Variants in BDP1 observed in about 807,000 individuals in gnomAD.
BDP1 encodes the protein transcription factor TFIIIB component B'' homolog.
In BDP1, 169 loss-of-function variants were observed where a neutral mutation model predicts 266.6. The observed-to-expected ratio is 0.63, with a 90% confidence interval of 0.56 to 0.72. The LOEUF is 0.72. Ranked by LOEUF, BDP1 falls within the 30% of genes least tolerant of loss-of-function variation. The pLI is 0.00. For synonymous variants in BDP1, 1,090 were observed against 1,022.4 expected (o/e 1.07, Z -1.26); for missense variants, 3,015 against 3,053.8 (o/e 0.99, Z 0.30).
At position 71,534,586 on chromosome 5, in the gene BDP1, G is replaced by A. The variant is rs551902475; in HGVS notation, c.5892+2159G>A. On this transcript the variant is annotated intron_variant, in intron 26 of 38. Transcript: ENST00000358731. ...ATGATCTCAGCTCACTGCAAGCTCC[G>A]CCTCCTGGGTTCACACCATTCTCCT... Among the ~76,000 whole-genome samples, 170 of 152,038 alleles carry A rather than the reference G, an allele frequency of 1.1e-3. 2 individuals are homozygous for A. The highest frequency in any genetic ancestry group is 3.4e-3 in the African/African-American group (143 of 41,466).
In BDP1 at chr5:71,501,673, T is replaced by TTA; in HGVS notation, c.2048+20_2048+21insTA. The TTA allele has an allele frequency of 7.3e-6, 4 of 544,678 alleles. No individual in the cohort carries two copies. The highest frequency in any genetic ancestry group is 5.3e-4 in the Middle Eastern group (1 of 1,882). 33.7% of individuals were successfully genotyped at this position (544,678 alleles called of 1,614,324 possible). A position where few individuals can be genotyped will look rare whatever the true frequency, so the allele number is the denominator to read the frequency against. On this transcript the variant is annotated intron_variant, in intron 14 of 38. Transcript: ENST00000358731. The stretch of plus-strand genomic sequence containing the variant: ...ATCTGTGTGAGTATTCAGGAAGTAG[T>TTA]AAAAAAAAAAAAAAAAAAAAGTAAC...
At chr5:71,474,939 T>G (rs1762496228) in intron 7 of BDP1, among the ~76,000 whole-genome samples, 1 of 151,904 alleles carries the variant, frequency 6.6e-6, no homozygotes, top group African/African-American at 2.4e-5. Context: ...CAGTATAAAA[T>G]TTTAAGAATT....
chr5:71,485,319 T>G (rs775830404), intron 8 of BDP1, among the ~76,000 whole-genome samples: 4 of 152,080 alleles, frequency 2.6e-5, no homozygotes, highest in Non-Finnish European at 5.9e-5. Context: ...GGAGGCTTTC[T>G]ATTGGAAATT....
chr5:71,532,789 CAT>C (rs1383197892), intron 26 of BDP1, among the ~76,000 whole-genome samples: 5 of 152,212 alleles, frequency 3.3e-5, no homozygotes, highest in African/African-American at 1.2e-4. Context: ...GCTTTATTGA[CAT>C]ATAATTTACA....
intron 37 of BDP1, among the ~76,000 whole-genome samples, chr5:71,561,363 T>C (rs886522926): frequency 5.3e-5 from 8 of 152,198 alleles, no homozygotes; most frequent in Admixed American, 5.2e-4. Context: ...ATTGTGCCAT[T>C]GCACTCCAGC....
intron 7 of BDP1, among the ~76,000 whole-genome samples, chr5:71,479,993 A>G (rs535468031): frequency 6.6e-6 from 1 of 151,618 alleles, no homozygotes; most frequent in Non-Finnish European, 1.5e-5. Context: ...CACCCAGTCT[A>G]GAGTATAGTG....
chr5:71,513,135 C>T, intron 18 of BDP1, 50 bp from the exon 19 acceptor site: 1 of 1,334,418 alleles, frequency 7.5e-7, no homozygotes, highest in Non-Finnish European at 1.1e-6. Context: ...GACTCCGTTT[C>T]CACTGCCCCT....
Position 71,513,414 on chromosome 5 carries a change from G to T in BDP1, c.4470+7G>T. The T allele has an allele frequency of 4.1e-6, 6 of 1,473,374 alleles. No individual in the cohort carries two copies. The highest frequency in any genetic ancestry group is 3.9e-5 in the South Asian group (3 of 76,792). The allele number at this position is 1,473,374 out of a possible 1,614,324, so 91.3% of individuals were successfully genotyped here. A position where few individuals can be genotyped will look rare whatever the true frequency, so the allele number is the denominator to read the frequency against. Reference sequence around the variant, plus strand: ...TACTCTCCCTTCTCAACATGTGAGTGTATTTGAGATGGAAGTTCTGTGTGG... The same window carrying T: ...TACTCTCCCTTCTCAACATGTGAGTTTATTTGAGATGGAAGTTCTGTGTGG... On this transcript the variant is annotated splice_region_variant and intron_variant, in intron 19 of 38. Coordinates refer to ENST00000358731, the MANE Select transcript of BDP1 (RefSeq NM_018429.3).
chr5:71,573,455 C>T, the BDP1 span, among the ~76,000 whole-genome samples: 2 of 152,116 alleles, frequency 1.3e-5, no homozygotes, highest in South Asian at 2.1e-4. Context: ...TGCACAGCAG[C>T]TCATTCATGA....
Position 71,545,168 on chromosome 5 carries a change from C to T in BDP1, c.6693C>T (p.Pro2231=). 6.2e-7 allele frequency: 1 copy of T among 1,613,626 alleles called. No individual in the cohort carries two copies. Among genetic ancestry groups the T allele is most frequent in the Non-Finnish European group, 8.5e-7 (1 of 1,179,900 alleles). The change falls in exon 32 of 39, where the codon CCC becomes CCT. Residue 2231 remains proline, a synonymous_variant. Coordinates refer to ENST00000358731, the MANE Select transcript of BDP1 (RefSeq NM_018429.3). ...RGLGENSVEE[P]QIKDSKGDSV... ...TTGGTGAAAATTCTGTTGAAGAGCC[C>T]CAGATAAAGGACTCTAAAGGAGACA...
rs370946203 is a variant in BDP1 at position 71,467,403 on chromosome 5, A to G, written c.835A>G (p.Asn279Asp). The G allele has an allele frequency of 4.3e-6, 7 of 1,611,246 alleles. No homozygotes were observed. The highest frequency in any genetic ancestry group is 4.5e-5 in the East Asian group (2 of 44,822). Reference protein sequence around the residue: ...RTKGPCVVEENDPIFERGSTT... With the variant: ...RTKGPCVVEEDDPIFERGSTT... ...AAAAGGCCCTTGTGTTGTTGAAGAAAATGACCCCATATTTGAGCGCGGTTC... is the reference window on the plus strand; with the variant it reads ...AAAAGGCCCTTGTGTTGTTGAAGAAGATGACCCCATATTTGAGCGCGGTTC... Residue 279 changes from asparagine (N) to aspartate (D), a missense_variant, in exon 6 of 39, where the codon AAT becomes GAT. Physicochemically the swap from Asn to Asp is conservative, Grantham distance 23 (BLOSUM62 1). Transcript: ENST00000358731.
intron 26 of BDP1, 114 bp downstream of exon 26, chr5:71,532,541 T>G: frequency 5.9e-6 from 6 of 1,013,384 alleles, no homozygotes; most frequent in Non-Finnish European, 8.4e-6. Flanking sequence ...CTAATTTCTC[T>G]TTGTAAGGAG....
At chr5:71,482,672 TTTAGAA>T (rs1158921951) in intron 7 of BDP1, among the ~76,000 whole-genome samples, 3 of 152,226 alleles carry the variant, frequency 2.0e-5, no homozygotes, top group African/African-American at 7.2e-5. Flanking sequence ...GTAGCACTGT[TTTAGAA>T]TTAAATGCCT....
At chr5:71,526,560 G>A (rs1765891144) in intron 25 of BDP1, among the ~76,000 whole-genome samples, 1 of 135,358 alleles carries the variant, frequency 7.4e-6, no homozygotes, top group African/African-American at 2.8e-5. Flanking sequence ...AGGTTGCAGT[G>A]AGCTGAGATC....
intron 5 of BDP1, 120 bp from the exon 6 acceptor site, chr5:71,467,231 AGGT>A: frequency 4.0e-6 from 3 of 749,616 alleles, no homozygotes; most frequent in East Asian, 5.2e-5. Context: ...TATTTCACAT[AGGT>A]ATTATTATGC....
At chr5:71,499,145 G>C (rs1053983112) in intron 13 of BDP1, among the ~76,000 whole-genome samples, 1 of 152,142 alleles carries the variant, frequency 6.6e-6, no homozygotes, top group Admixed American at 6.5e-5. Context: ...TGTCGCCCAG[G>C]CTGTGGTGCG....
chr5:71,533,129 T>C (rs1166393615), intron 26 of BDP1, among the ~76,000 whole-genome samples: 4 of 152,242 alleles, frequency 2.6e-5, no homozygotes, highest in African/African-American at 9.6e-5. Context: ...TTTTGTAGCC[T>C]AATAATATTC....
intron 37 of BDP1, among the ~76,000 whole-genome samples, chr5:71,561,880 C>T (rs570123445): frequency 6.6e-6 from 1 of 152,256 alleles, no homozygotes; most frequent in South Asian, 2.1e-4. Context: ...TAATTTTGCC[C>T]AGGCTGTTTT....
At chr5:71,537,149 C>CAAAAAAAAAAAAAAAA (rs70992979) in intron 26 of BDP1, among the ~76,000 whole-genome samples, 75 of 82,400 alleles carry the variant, frequency 9.1e-4, no homozygotes, top group African/African-American at 1.1e-3. Flanking sequence ...ACCAAAAAAC[C>CAAAAAAAAAAAAAAAA]AAAAAAAAAA....
Sources: allele counts gnomAD v4.1 joint callset (sites outside exome capture counted in the v4.1 genomes callset), GRCh38; gene constraint gnomAD v4.1.1; transcripts MANE v1.5; gene names NCBI Gene and HGNC (gene_info 2026-07-23, HGNC 2026-07-21).